The following COL4A4 variants were observed in gnomAD, a reference collection of about 807,000 sequenced individuals.
COL4A4 encodes the protein collagen alpha-4(IV) chain.
In COL4A4, 105 loss-of-function variants were observed where a neutral mutation model predicts 192.9. That is an observed-to-expected ratio of 0.54 (90% CI 0.46 to 0.64). The LOEUF (loss-of-function observed/expected upper bound fraction) is 0.64, where lower values mean the gene tolerates loss of function less well. Ranked by LOEUF, COL4A4 falls within the 30% of genes least tolerant of loss-of-function variation. The probability of loss-of-function intolerance (pLI) is 0.00; values close to 1 mark genes in which losing one functional copy is unlikely to be tolerated. For synonymous variants in COL4A4, 762 were observed against 769.9 expected, an observed-to-expected ratio of 0.99 and a Z score of 0.17; for missense variants, 1,967 against 2,169.3, an observed-to-expected ratio of 0.91 and a Z score of 1.85.
intron 46 of COL4A4, 137 bp downstream of exon 46, chr2:227,010,176 C>G (rs954584300): frequency 2.3e-6 from 2 of 882,006 alleles, no homozygotes; most frequent in African/African-American, 3.3e-5. Context: ...TGAGAATGAC[C>G]ATGCTAGTGT....
At chr2:226,995,219 A>G in the COL4A4 span, among the ~76,000 whole-genome samples, 1 of 152,274 alleles carries the variant, frequency 6.6e-6, no homozygotes, top group Non-Finnish European at 1.5e-5. Flanking sequence ...AAATGAGTCA[A>G]ATCAGATTCA....
chr2:227,001,199 A>G (rs1960884230), downstream of COL4A4, among the ~76,000 whole-genome samples: 1 of 151,298 alleles, frequency 6.6e-6, no homozygotes, highest in Non-Finnish European at 1.5e-5. Context: ...GGTTGATGCC[A>G]TTCTCCTGCC....
intron 15 of COL4A4, 138 bp downstream of exon 15, chr2:227,102,651 A>G (rs879336694): frequency 9.2e-6 from 7 of 761,704 alleles, no homozygotes; most frequent in Middle Eastern, 2.3e-4. Flanking sequence ...GATATTCCAT[A>G]ATTCTCGTCC....
chr2:227,015,802 A>G (rs1444101060), intron 44 of COL4A4, among the ~76,000 whole-genome samples: 5 of 152,254 alleles, frequency 3.3e-5, no homozygotes, highest in African/African-American at 9.6e-5. Context: ...ACGCAATGAC[A>G]TAGAAGTAAG....
In COL4A4 at chr2:227,031,941, A is replaced by G. The variant is rs1238618319; in HGVS notation, c.3817+4T>C. 1.9e-6 allele frequency: 3 copies of G among 1,599,882 alleles called. No individual in the cohort carries two copies. Among genetic ancestry groups the G allele is most frequent in the Non-Finnish European group, 2.6e-6 (3 of 1,167,334 alleles). The stretch of plus-strand genomic sequence containing the variant: ...TGCCATCCTTTGTCATGATTCTCTC[A>G]TACCTCTTGGGCCATCAGGACCAGG... On this transcript the variant is annotated splice_donor_region_variant and intron_variant, in intron 40 of 47. Transcript: ENST00000396625.
the COL4A4 span, among the ~76,000 whole-genome samples, chr2:226,983,303 C>T: frequency 6.6e-6 from 1 of 152,126 alleles, no homozygotes; most frequent in East Asian, 1.9e-4. Flanking sequence ...CTAAATCCAG[C>T]ATCTAGTATT....
In COL4A4 at chr2:227,101,521, C is replaced by T; in HGVS notation, c.1012G>A (p.Gly338Arg). The T allele has an allele frequency of 6.2e-7, 1 of 1,611,588 alleles. No homozygotes were observed. The highest frequency in any genetic ancestry group is 2.2e-5 in the East Asian group (1 of 44,744). The change falls in exon 17 of 48, where the codon GGA becomes AGA. Residue 338 changes from glycine to arginine, a missense_variant. Gly to Arg is a moderately radical substitution (Grantham distance 125). Transcript: ENST00000396625. ...LGLVGDPGLF[G>R]LIGPKGDPGN... ...CTTTTTACCTTTGGGCCAATTAATCCAAATAGCCCAGGATCTCCAACCAGT... is the reference window on the plus strand; with the variant it reads ...CTTTTTACCTTTGGGCCAATTAATCTAAATAGCCCAGGATCTCCAACCAGT...
In COL4A4 at chr2:227,062,542, C is replaced by T. The variant is rs1397709159; in HGVS notation, c.2044G>A (p.Asp682Asn). 1.2e-6 allele frequency: 2 copies of T among 1,606,110 alleles called. No homozygotes were observed. The highest frequency in any genetic ancestry group is 3.3e-5 in the Admixed American group (2 of 59,952). The change falls in exon 26 of 48, where the codon GAT (aspartate) becomes AAT (asparagine). Residue 682 changes from aspartate to asparagine, a missense_variant. Physicochemically the swap from Asp to Asn is conservative, Grantham distance 23 (BLOSUM62 1). Transcript: ENST00000396625. ...YPGRHGPPGF[D>N]GPPGPKGFPG... ...TCATTGATAATACCTGGAGGTCCAT[C>T]AAAACCTGGAGGGCCATGCCTCCCA...
downstream of COL4A4, among the ~76,000 whole-genome samples, chr2:227,001,877 A>AAAAGT (rs143726294): frequency 1.6e-3 from 249 of 152,264 alleles, no homozygotes; most frequent in African/African-American, 5.8e-3. Flanking sequence ...CTTCCTACTT[A>AAAAGT]AAAGTAAGTC....
chr2:227,020,677 G>GA (rs1174222096), intron 44 of COL4A4, among the ~76,000 whole-genome samples: 1 of 152,014 alleles, frequency 6.6e-6, no homozygotes, highest in African/African-American at 2.4e-5. Flanking sequence ...AGTGAGGGGG[G>GA]GTGAAAGGAG....
At chr2:227,011,124 C>T (rs374332044) in intron 45 of COL4A4, among the ~76,000 whole-genome samples, 3 of 152,198 alleles carry the variant, frequency 2.0e-5, no homozygotes, top group Non-Finnish European at 2.9e-5. Flanking sequence ...TTCTAGAGAA[C>T]GTGAGCAGGG....
chr2:227,008,916 G>A (rs781433119), intron 46 of COL4A4, among the ~76,000 whole-genome samples: 9 of 152,260 alleles, frequency 5.9e-5, no homozygotes, highest in East Asian at 1.9e-4. Context: ...TGTCAATCTC[G>A]TTAAGGAGTT....
At chr2:227,009,713 GGAAAA>G (rs1327568941) in intron 46 of COL4A4, among the ~76,000 whole-genome samples, 4 of 139,390 alleles carry the variant, frequency 2.9e-5, no homozygotes, top group Non-Finnish European at 6.1e-5. Flanking sequence ...AAAAAAAAGA[GGAAAA>G]GAGAAGAGAA....
At chr2:227,111,861 G>T in intron 8 of COL4A4, 148 bp from the exon 9 acceptor site, 1 of 784,732 alleles carries the variant, frequency 1.3e-6, no homozygotes, top group Admixed American at 2.0e-5. Flanking sequence ...TTGAGGAAGG[G>T]ATATGCGGAG....
chr2:227,132,324 G>A (rs1882434), intron 4 of COL4A4, among the ~76,000 whole-genome samples: 51,626 of 152,016 alleles, frequency 0.34, 9,483 homozygotes, highest in Non-Finnish European at 0.41. Flanking sequence ...TCTGTCTCTC[G>A]GTTTGGCTCT....
chr2:227,041,848 G>GAAAGAGAAAGAA (rs1243663359), intron 37 of COL4A4, among the ~76,000 whole-genome samples: 18 of 38,658 alleles, frequency 4.7e-4, no homozygotes, highest in Middle Eastern at 0.014. Flanking sequence ...AAGAAAGAAA[G>GAAAGAGAAAGAA]AGAAAGAAAG....
chr2:226,968,793 C>T, the COL4A4 span, among the ~76,000 whole-genome samples: 5 of 152,178 alleles, frequency 3.3e-5, no homozygotes, highest in Non-Finnish European at 7.3e-5. Flanking sequence ...AAAGTATAAT[C>T]GGTGTTTGCA....
chr2:227,130,250 GTTC>G (rs1200124731), intron 4 of COL4A4, among the ~76,000 whole-genome samples: 1 of 152,218 alleles, frequency 6.6e-6, no homozygotes, highest in Non-Finnish European at 1.5e-5. Context: ...TTTTCACTGT[GTTC>G]TTAAGAGGCA....
At chr2:227,066,736 C>A (rs1042428239) in intron 25 of COL4A4, among the ~76,000 whole-genome samples, 2 of 151,272 alleles carry the variant, frequency 1.3e-5, no homozygotes, top group African/African-American at 2.4e-5. Context: ...TGGAAAGGAA[C>A]AACCGGTACC....
Sources: gnomAD v4.1 joint callset for allele counts (sites outside exome capture counted in the v4.1 genomes callset) on GRCh38, gnomAD v4.1.1 for gene constraint, MANE v1.5 for transcripts, NCBI Gene and HGNC (gene_info 2026-07-23, HGNC 2026-07-21) for gene names.